Variants in TOX2 observed in about 807,000 individuals in gnomAD.
TOX2 encodes TOX high mobility group box family member 2.
A neutral mutation model predicts 47.4 loss-of-function variants in TOX2; 15 were observed. The ratio of observed to expected loss-of-function variants is 0.32; its 90% CI spans 0.21 to 0.49. TOX2 has a LOEUF of 0.49. Among genes scored for constraint, TOX2 ranks in the 20% least tolerant of loss-of-function variants. The probability of loss-of-function intolerance (pLI) is 0.99; values close to 1 mark genes in which losing one functional copy is unlikely to be tolerated. For missense variants in TOX2, 622 were observed against 673.1 expected, an observed-to-expected ratio of 0.92 and a Z score of 0.84; for synonymous variants, 290 against 296.6, an observed-to-expected ratio of 0.98 and a Z score of 0.23.
At chr20:43,923,384 T>C (rs1390117048) in intron 1 of TOX2, among the ~76,000 whole-genome samples, 1 of 152,200 alleles carries the variant, frequency 6.6e-6, no homozygotes, top group Admixed American at 6.5e-5. Context: ...TGATAGATAC[T>C]CTGCTTCTCA....
intron 1 of TOX2, among the ~76,000 whole-genome samples, chr20:43,939,282 A>G (rs1189470748): frequency 6.6e-6 from 1 of 152,154 alleles, no homozygotes; most frequent in African/African-American, 2.4e-5. Flanking sequence ...CCTCTGTGAA[A>G]TGGGGATAAT....
Position 44,006,779 on chromosome 20 carries a change from G to A in TOX2, c.398G>A (p.Gly133Asp), listed in dbSNP as rs775760049. The A allele has an allele frequency of 6.2e-7, 1 of 1,613,214 alleles. No individual in the cohort carries two copies. The highest frequency in any genetic ancestry group is 8.5e-7 in the Non-Finnish European group (1 of 1,179,894). Residue 133 changes from glycine to aspartate, a missense_variant, in exon 3 of 9, where the codon GGC becomes GAC. Around this residue, in one of 3 missense-constraint regions of TOX2, gnomAD observed 307 missense variants for 327.3 expected, o/e 0.94. Transcript: ENST00000341197. The part of the protein sequence containing the change: ...MLAQDSHLLS[G>D]QLPTIQEMVH... Reference sequence around the variant, plus strand: ...GCACAGGACAGCCACCTGCTGTCGGGCCAGCTGCCCACGGTGAGTCCCTAT... The same window carrying A: ...GCACAGGACAGCCACCTGCTGTCGGACCAGCTGCCCACGGTGAGTCCCTAT...
chr20:43,972,650 C>G (rs1354247976), intron 1 of TOX2, among the ~76,000 whole-genome samples: 1 of 152,220 alleles, frequency 6.6e-6, no homozygotes. Flanking sequence ...GTTGAGGCAC[C>G]AACTTGAGAT....
intron 5 of TOX2, among the ~76,000 whole-genome samples, chr20:44,059,679 A>G (rs567435872): frequency 5.9e-4 from 90 of 152,324 alleles, no homozygotes; most frequent in African/African-American, 2.0e-3. Flanking sequence ...AAGCTTCATT[A>G]CAGTTCTTTT....
At chr20:43,967,482 A>G (rs532844583) in intron 1 of TOX2, among the ~76,000 whole-genome samples, 18 of 152,146 alleles carry the variant, frequency 1.2e-4, no homozygotes, top group South Asian at 4.2e-4. Flanking sequence ...CCGGGAACCC[A>G]CACGTCCAGG....
At chr20:43,980,673 A>C (rs10211745) in intron 2 of TOX2, among the ~76,000 whole-genome samples, 2 of 152,182 alleles carry the variant, frequency 1.3e-5, no homozygotes, top group African/African-American at 4.8e-5. Flanking sequence ...GATTTGATAA[A>C]TGTTAAATCA....
Position 44,047,852 on chromosome 20 carries a change from TAAAAAAAAAAAA to T in TOX2, c.412-3433_412-3422del, listed in dbSNP as rs1198225728. Among the ~76,000 whole-genome samples, 2 of 141,886 alleles carry T rather than the reference TAAAAAAAAAAAA, an allele frequency of 1.4e-5. 1 individual carries two copies. The highest frequency in any genetic ancestry group is 3.1e-5 in the Non-Finnish European group (2 of 64,118). 93.1% of individuals were successfully genotyped at this position (141,886 alleles called of 152,430 possible). On this transcript the variant is annotated intron_variant, in intron 3 of 8. Coordinates refer to ENST00000341197, the MANE Select transcript of TOX2 (RefSeq NM_001098797.2). Reference sequence around the variant, plus strand: ...CCAAGAATTATCAATAAAAAAAAATTAAAAAAAAAAAAAAAAAAAAAAAAAAAAAAAATAAAA... The same window carrying T: ...CCAAGAATTATCAATAAAAAAAAATTAAAAAAAAAAAAAAAAAAAATAAAA...
At chr20:44,003,644 T>C (rs150431387) in intron 2 of TOX2, among the ~76,000 whole-genome samples, 1 of 152,212 alleles carries the variant, frequency 6.6e-6, no homozygotes, top group African/African-American at 2.4e-5. Flanking sequence ...TGGGCAATCT[T>C]GGGGTGTGAA....
Position 44,023,320 on chromosome 20 carries a change from C to T in TOX2, c.411+16528C>T, listed in dbSNP as rs1196886043. 2.0e-5 allele frequency among the ~76,000 whole-genome samples: 3 copies of T among 149,422 alleles called. No individual in the cohort carries two copies. In the Admixed American group the frequency reaches 2.0e-4, roughly 10 times the overall value. On this transcript the variant is annotated intron_variant, in intron 3 of 8. Coordinates refer to ENST00000341197, the MANE Select transcript of TOX2 (RefSeq NM_001098797.2). ...TGGTGAACACCTGTAATCCCAGCTA[C>T]TTGGGAGGCTGAGGCAGGAGAATTA...
chr20:43,920,171 G>T (rs1488369537), intron 1 of TOX2, among the ~76,000 whole-genome samples: 1 of 152,212 alleles, frequency 6.6e-6, no homozygotes, highest in Non-Finnish European at 1.5e-5. Flanking sequence ...CCAGCACCTG[G>T]CATCGTGCCT....
At position 43,981,182 on chromosome 20, in the gene TOX2, C is replaced by G. The variant is rs559407013; in HGVS notation, c.165+7750C>G. 7.2e-5 allele frequency among the ~76,000 whole-genome samples: 11 copies of G among 152,290 alleles called. No individual in the cohort carries two copies. The South Asian group carries it at 2.1e-3, about 29-fold the overall frequency. ...TTTGATAACACACTCGGTTGGAGTTCTTATGGGGAAACAGGTACTTTATAC... is the reference window on the plus strand; with the variant it reads ...TTTGATAACACACTCGGTTGGAGTTGTTATGGGGAAACAGGTACTTTATAC... On this transcript the variant is annotated intron_variant, in intron 2 of 8. Coordinates refer to ENST00000341197, the MANE Select transcript of TOX2 (RefSeq NM_001098797.2).
intron 1 of TOX2, among the ~76,000 whole-genome samples, chr20:43,954,900 T>G (rs551639561): frequency 1.4e-4 from 22 of 152,314 alleles, no homozygotes; most frequent in African/African-American, 4.3e-4. Context: ...TTTCTTCCTA[T>G]GTAAAATGGG....
At chr20:44,060,776 G>A (rs193028549) in intron 5 of TOX2, among the ~76,000 whole-genome samples, 1 of 151,372 alleles carries the variant, frequency 6.6e-6, no homozygotes, top group Non-Finnish European at 1.5e-5. Flanking sequence ...AAGAGGAAAG[G>A]TCATAGCATT....
At chr20:43,945,139 G>C (rs2069448063) in intron 1 of TOX2, among the ~76,000 whole-genome samples, 4 of 151,864 alleles carry the variant, frequency 2.6e-5, no homozygotes, top group South Asian at 4.2e-4. Flanking sequence ...ATACACGCTT[G>C]TGGTAAAGAA....
At position 44,063,387 on chromosome 20, in the gene TOX2, A is replaced by G. The variant is rs954373176; in HGVS notation, c.880-1390A>G. ...ACAAACATATTAAAAAATACTTAACATCATTATGATCAGGGAAATGCAAAT... is the reference window on the plus strand; with the variant it reads ...ACAAACATATTAAAAAATACTTAACGTCATTATGATCAGGGAAATGCAAAT... On this transcript the variant is annotated intron_variant, in intron 5 of 8. Coordinates refer to ENST00000341197, the MANE Select transcript of TOX2 (RefSeq NM_001098797.2). Among the ~76,000 whole-genome samples the G allele has an allele frequency of 3.3e-5, 5 of 152,332 alleles. No homozygotes were observed. The South Asian group carries it at 6.2e-4, about 19-fold the overall frequency.
intron 1 of TOX2, among the ~76,000 whole-genome samples, chr20:43,968,468 T>A (rs1375507331): frequency 1.3e-5 from 2 of 152,148 alleles, no homozygotes; most frequent in Non-Finnish European, 2.9e-5. Context: ...GGGGGCTGGC[T>A]GTTGGAATAG....
intron 1 of TOX2, among the ~76,000 whole-genome samples, chr20:43,971,229 A>T (rs1417981337): frequency 6.6e-6 from 1 of 152,220 alleles, no homozygotes. Flanking sequence ...CAAGGTACAG[A>T]TAGACAAAGA....
intron 1 of TOX2, among the ~76,000 whole-genome samples, chr20:43,956,559 TA>T (rs11474983): frequency 0.26 from 31,256 of 120,462 alleles, 4,294 homozygotes; most frequent in African/African-American, 0.39. Context: ...GTTCTATCTT[TA>T]AAAAAAAAAA....
intron 3 of TOX2, among the ~76,000 whole-genome samples, chr20:44,025,455 C>T (rs2071045337): frequency 1.5e-4 from 1 of 6,586 alleles, no homozygotes; most frequent in African/African-American, 6.7e-4. Context: ...CTTCACCAAC[C>T]GATGTTCCCA....
Sources: allele counts gnomAD v4.1 joint callset (sites outside exome capture counted in the v4.1 genomes callset), GRCh38; gene constraint gnomAD v4.1.1; regional missense constraint gnomAD v4.1.1; transcripts MANE v1.5; gene names NCBI Gene and HGNC (gene_info 2026-07-23, HGNC 2026-07-21).